The following PDE11A variants were observed in gnomAD, a reference collection of about 807,000 sequenced individuals.
The protein encoded by PDE11A is dual 3',5'-cyclic-AMP and -GMP phosphodiesterase 11A.
In PDE11A, 100 loss-of-function variants were observed where a neutral mutation model predicts 100.5. The observed-to-expected ratio is 1.00, with a 90% CI of 0.85 to 1.18. The LOEUF is 1.18. Among genes scored for constraint, PDE11A ranks in the 50% most tolerant of loss-of-function variants. PDE11A has a pLI of 0.00. For synonymous variants in PDE11A, 381 were observed against 420.8 expected, an observed-to-expected ratio of 0.91 and a Z score of 1.16; for missense variants, 1,141 against 1,152.6, an observed-to-expected ratio of 0.99 and a Z score of 0.15.
rs1559117264 is a variant in PDE11A at position 177,631,532 on chromosome 2, TATATATATATATATACAC to T, written c.2647-1988_2647-1971del. ...AAAAAAATATATATATATATATATA[TATATATATATATATACAC>T]ATGTATATATATATATATACATGTA... On this transcript the variant is annotated intron_variant, in intron 19 of 19. Coordinates refer to ENST00000286063, the MANE Select transcript of PDE11A (RefSeq NM_016953.4). Among the ~76,000 whole-genome samples, 18 of 21,084 alleles carry T rather than the reference TATATATATATATATACAC, an allele frequency of 8.5e-4. 1 individual carries two copies. Among genetic ancestry groups the T allele is most frequent in the South Asian group, 6.9e-3 (2 of 290 alleles). 13.8% of individuals were successfully genotyped at this position (21,084 alleles called of 152,430 possible).
chr2:178,064,340 G>A (rs1043614262), intron 1 of PDE11A, among the ~76,000 whole-genome samples: 3 of 152,244 alleles, frequency 2.0e-5, no homozygotes, highest in Middle Eastern at 3.4e-3. Context: ...AGGTGTGTTC[G>A]GCCAAGGTTA....
chr2:177,898,831 A>G (rs1177150430), intron 3 of PDE11A, among the ~76,000 whole-genome samples: 2 of 152,166 alleles, frequency 1.3e-5, no homozygotes, highest in African/African-American at 4.8e-5. Context: ...TATTGCTATA[A>G]CTCATACACC....
chr2:178,072,151 A>G lies in PDE11A; in HGVS notation c.287T>C (p.Val96Ala). Residue 96 changes from valine (V) to alanine (A), a missense_variant, in exon 1 of 20, where the codon GTT becomes GCT. By Grantham distance (64) the Val-to-Ala change is moderately conservative. Coordinates refer to ENST00000286063, the MANE Select transcript of PDE11A (RefSeq NM_016953.4). The part of the protein sequence containing the change: ...PLPGGGDCGG[V>A]PLSPSWAGGS... ...ACCGGCCCAGCTGGGACTCAAGGGA[A>G]CCCCACCACAGTCCCCGCCACCGGG... The G allele has an allele frequency of 6.2e-7, 1 of 1,612,764 alleles. No individual in the cohort carries two copies. The highest frequency in any genetic ancestry group is 8.5e-7 in the Non-Finnish European group (1 of 1,179,564).
intron 9 of PDE11A, among the ~76,000 whole-genome samples, chr2:177,771,992 A>G (rs1405818915): frequency 4.1e-5 from 6 of 147,694 alleles, no homozygotes; most frequent in Non-Finnish European, 7.4e-5. Flanking sequence ...ACAGAGTGAG[A>G]CTCTGTCTCA....
chr2:177,884,874 C>T (rs2084401497), intron 4 of PDE11A, among the ~76,000 whole-genome samples: 1 of 152,064 alleles, frequency 6.6e-6, no homozygotes, highest in African/African-American at 2.4e-5. Flanking sequence ...AGCAACAGAT[C>T]ATAGACACAA....
intron 9 of PDE11A, among the ~76,000 whole-genome samples, chr2:177,773,908 G>A (rs1409623786): frequency 4.6e-5 from 7 of 152,180 alleles, no homozygotes; most frequent in Non-Finnish European, 7.3e-5. Context: ...CAAGCCAGAG[G>A]AGTGGATTCC....
intron 4 of PDE11A, among the ~76,000 whole-genome samples, chr2:177,882,353 C>T (rs373198184): frequency 5.7e-4 from 87 of 152,168 alleles, no homozygotes; most frequent in African/African-American, 2.0e-3. Context: ...TATAATTTAA[C>T]GGGATATATA....
chr2:178,021,121 C>T (rs1246322152), intron 1 of PDE11A, among the ~76,000 whole-genome samples: 2 of 152,012 alleles, frequency 1.3e-5, no homozygotes, highest in Non-Finnish European at 2.9e-5. Context: ...GCCACCACAC[C>T]AAGCTAATTT....
Position 178,071,525 on chromosome 2 carries a change from C to T in PDE11A, c.912+1G>A. ...GAGAAGGGGACAATGCAAAGTCCTA[C>T]CTGGTAGGCATCAGGAATGTTGACC... On this transcript the variant is annotated splice_donor_variant, in intron 1 of 19. Transcript: ENST00000286063. LOFTEE classifies it high-confidence loss of function. 6.2e-7 allele frequency: 1 copy of T among 1,613,054 alleles called. No individual in the cohort carries two copies. Among genetic ancestry groups the T allele is most frequent in the Non-Finnish European group, 8.5e-7 (1 of 1,179,010 alleles).
chr2:177,675,354 T>A (rs973291446), intron 17 of PDE11A, 101 bp downstream of exon 17: 6 of 843,970 alleles, frequency 7.1e-6, no homozygotes, highest in Admixed American at 3.6e-5. Context: ...GCAAATTGAC[T>A]AGGGTTTCAG....
At chr2:177,742,082 TC>T (rs1319205695) in intron 10 of PDE11A, among the ~76,000 whole-genome samples, 1 of 151,154 alleles carries the variant, frequency 6.6e-6, no homozygotes, top group East Asian at 1.9e-4. Context: ...TGTAACCTTG[TC>T]AAATGCAATT....
At chr2:178,046,573 T>C (rs2086753875) in intron 1 of PDE11A, among the ~76,000 whole-genome samples, 1 of 152,156 alleles carries the variant, frequency 6.6e-6, no homozygotes, top group Non-Finnish European at 1.5e-5. Context: ...TTCAGAATAA[T>C]AGTCATTGAG....
chr2:178,092,337 A>C (rs2105884231), intron 2 of PDE11A, among the ~76,000 whole-genome samples: 1 of 152,312 alleles, frequency 6.6e-6, no homozygotes, highest in South Asian at 2.1e-4. Flanking sequence ...AAGCGAGTTC[A>C]GAATCTGAAG....
chr2:178,058,676 C>A (rs1424499512), intron 1 of PDE11A, among the ~76,000 whole-genome samples: 1 of 152,158 alleles, frequency 6.6e-6, no homozygotes, highest in Admixed American at 6.6e-5. Flanking sequence ...TGAGTATCTA[C>A]CTACTATGTG....
At chr2:177,674,815 TG>T (rs2080742949) in intron 17 of PDE11A, among the ~76,000 whole-genome samples, 1 of 152,236 alleles carries the variant, frequency 6.6e-6, no homozygotes, top group Non-Finnish European at 1.5e-5. Context: ...GCCAAGTTAC[TG>T]TTCTGGACCC....
At chr2:178,084,750 C>T (rs79974094) in intron 2 of PDE11A, among the ~76,000 whole-genome samples, 5 of 142,604 alleles carry the variant, frequency 3.5e-5, no homozygotes, top group African/African-American at 1.0e-4. Context: ...TGGTAGACAG[C>T]TTTTTTTTTT....
chr2:177,891,773 T>A (rs1037690330), intron 4 of PDE11A, among the ~76,000 whole-genome samples: 2 of 152,192 alleles, frequency 1.3e-5, no homozygotes, highest in Non-Finnish European at 2.9e-5. Flanking sequence ...ATTCTTTATA[T>A]GTATTGTCTA....
intron 9 of PDE11A, among the ~76,000 whole-genome samples, chr2:177,776,031 C>T (rs1485104507): frequency 2.6e-5 from 4 of 152,084 alleles, no homozygotes; most frequent in African/African-American, 9.7e-5. Context: ...AAAATAAAAA[C>T]ATTTTAAAAC....
chr2:177,856,117 G>A (rs1298867952), intron 5 of PDE11A, among the ~76,000 whole-genome samples: 1 of 152,028 alleles, frequency 6.6e-6, no homozygotes, highest in African/African-American at 2.4e-5. Flanking sequence ...AAGACTTATT[G>A]GTTCAGGCTT....
Sources: allele counts gnomAD v4.1 joint callset (sites outside exome capture counted in the v4.1 genomes callset), GRCh38; gene constraint gnomAD v4.1.1; transcripts MANE v1.5; gene names NCBI Gene and HGNC (gene_info 2026-07-23, HGNC 2026-07-21).